PTK2B: variants seen among roughly 807,000 people sequenced by gnomAD.
PTK2B encodes the protein protein tyrosine kinase 2 beta, also known as protein-tyrosine kinase 2-beta.
PTK2B carries 71 observed loss-of-function variants against 142.9 expected under a neutral mutation model. The observed-to-expected ratio is 0.50, with a 90% confidence interval of 0.41 to 0.61. The LOEUF (loss-of-function observed/expected upper bound fraction) is 0.61, where lower values mean the gene tolerates loss of function less well. Ranked by LOEUF, PTK2B falls within the 20% of genes least tolerant of loss-of-function variation. PTK2B has a pLI of 0.00. For missense variants in PTK2B, 1,105 were observed against 1,320.4 expected, an observed-to-expected ratio of 0.84 and a Z score of 2.53; for synonymous variants, 519 against 503.4, an observed-to-expected ratio of 1.03 and a Z score of -0.42.
intron 1 of PTK2B, among the ~76,000 whole-genome samples, chr8:27,346,483 C>T (rs1804718943): frequency 6.6e-6 from 1 of 152,182 alleles, no homozygotes; most frequent in Non-Finnish European, 1.5e-5. Context: ...GAGGTTGAGG[C>T]TACAGTGAGC....
At chr8:27,364,423 T>C (rs1209213933) in intron 1 of PTK2B, among the ~76,000 whole-genome samples, 3 of 152,208 alleles carry the variant, frequency 2.0e-5, no homozygotes, top group Non-Finnish European at 2.9e-5. Flanking sequence ...AGGGTAAACA[T>C]AGCACATTTA....
chr8:27,341,187 A>G (rs1260083522), intron 1 of PTK2B, among the ~76,000 whole-genome samples: 1 of 152,122 alleles, frequency 6.6e-6, no homozygotes, highest in African/African-American at 2.4e-5. Context: ...TCTTGGCTGT[A>G]CCATCCATTT....
upstream of PTK2B, chr8:27,311,310 G>C (rs1802958304): frequency 7.0e-6 from 10 of 1,426,510 alleles, no homozygotes; most frequent in South Asian, 1.5e-5. Context: ...CAACGCCCGC[G>C]ACCCGAGTGC....
intron 1 of PTK2B, among the ~76,000 whole-genome samples, chr8:27,347,456 G>A (rs965855229): frequency 2.0e-5 from 3 of 152,178 alleles, no homozygotes; most frequent in Non-Finnish European, 4.4e-5. Context: ...CTTCAACAAC[G>A]GAGATTTATT....
chr8:27,311,071 G>C (rs1412352002), upstream of PTK2B: 1 of 1,596,810 alleles, frequency 6.3e-7, no homozygotes, highest in Non-Finnish European at 8.5e-7. Context: ...CTGGGCAGGT[G>C]GGCGACACCT....
At position 27,437,785 on chromosome 8, in the gene PTK2B, G is replaced by C. The variant is rs373779845; in HGVS notation, c.1548G>C (p.Arg516=). ...PYGELGHYLE[R]NKNSLKVLTL... ...TGCAGCTGGGCCACTACCTGGAGCG[G>C]AACAAGAACTCCCTGAAGGTGCTCA... Residue 516 remains arginine (R), a synonymous_variant, in exon 18 of 31, where the codon CGG becomes CGC. Coordinates refer to ENST00000346049, the MANE Select transcript of PTK2B (RefSeq NM_173176.3). The C allele has an allele frequency of 2.7e-5, 43 of 1,612,498 alleles. No homozygotes were observed. In the East Asian group the frequency reaches 6.9e-4, roughly 26 times the overall value.
At chr8:27,441,855 A>G (rs370460939) in intron 21 of PTK2B, among the ~76,000 whole-genome samples, 38 of 152,272 alleles carry the variant, frequency 2.5e-4, no homozygotes, top group Non-Finnish European at 4.1e-4. Flanking sequence ...AGCCACAGGG[A>G]GCTGTGCAGG....
chr8:27,394,436 G>T (rs1331756190), intron 1 of PTK2B, among the ~76,000 whole-genome samples: 1 of 152,206 alleles, frequency 6.6e-6, no homozygotes, highest in African/African-American at 2.4e-5. Flanking sequence ...CATAGGAAAG[G>T]TACAGTAAAA....
At chr8:27,346,831 T>G (rs911478951) in intron 1 of PTK2B, among the ~76,000 whole-genome samples, 19 of 152,226 alleles carry the variant, frequency 1.2e-4, no homozygotes, top group African/African-American at 4.6e-4. Flanking sequence ...GGAAAGTTCT[T>G]TCTTTCACTG....
At chr8:27,321,525 A>G (rs926317977), upstream of PTK2B, among the ~76,000 whole-genome samples, 1 of 152,336 alleles carries the variant, frequency 6.6e-6, no homozygotes, top group Non-Finnish European at 1.5e-5. Flanking sequence ...GCTGGACGGC[A>G]TTAGGTACCC....
rs143670206 is a variant in PTK2B at position 27,391,221 on chromosome 8, C to T, written c.-37-6327C>T. ...AAGGGATTCTTTTGTCTCAGCCTCC[C>T]GAGTAGCTGGGATTACAGGCACGTG... On this transcript the variant is annotated intron_variant, in intron 1 of 30. Transcript: ENST00000346049. 6.1e-3 allele frequency among the ~76,000 whole-genome samples: 933 copies of T among 152,110 alleles called. 10 individuals carry two copies. Among genetic ancestry groups the T allele is most frequent in the African/African-American group, 0.022 (904 of 41,462 alleles).
intron 1 of PTK2B, among the ~76,000 whole-genome samples, chr8:27,392,597 AGTCAGAAAATGAG>A (rs1807793981): frequency 6.6e-6 from 1 of 152,212 alleles, no homozygotes; most frequent in Non-Finnish European, 1.5e-5. Context: ...TTTTAGAGCC[AGTCAGAAAATGAG>A]CTGGGAGCAG....
At chr8:27,337,956 A>T (rs1804177132) in intron 1 of PTK2B, among the ~76,000 whole-genome samples, 1 of 152,172 alleles carries the variant, frequency 6.6e-6, no homozygotes, top group Non-Finnish European at 1.5e-5. Flanking sequence ...TTTTCACAGC[A>T]GCTGCCTCAT....
At chr8:27,350,647 G>A (rs918016493) in intron 1 of PTK2B, among the ~76,000 whole-genome samples, 11 of 151,994 alleles carry the variant, frequency 7.2e-5, no homozygotes, top group Non-Finnish European at 1.2e-4. Flanking sequence ...ACACAAGTGC[G>A]AACTGTTAAC....
In PTK2B at chr8:27,437,864, A is replaced by C. The variant is rs572267483; in HGVS notation, c.1627A>C (p.Ile543Leu). 1 of 1,612,174 alleles carries C rather than the reference A, an allele frequency of 6.2e-7. No individual in the cohort carries two copies. The highest frequency in any genetic ancestry group is 1.7e-5 in the Admixed American group (1 of 59,778). The change falls in exon 18 of 31, where the codon ATC (isoleucine) becomes CTC (leucine). Residue 543 changes from isoleucine to leucine, a missense_variant. Transcript: ENST00000346049. Reference sequence around the variant, plus strand: ...CAAAGCCATGGCCTACCTGGAGAGCATCAACTGCGTGCACAGGTAGGGGTG... The same window carrying C: ...CAAAGCCATGGCCTACCTGGAGAGCCTCAACTGCGTGCACAGGTAGGGGTG... ...ICKAMAYLESINCVHRDIAVR... is the reference protein window; with the variant it reads ...ICKAMAYLESLNCVHRDIAVR...
intron 1 of PTK2B, among the ~76,000 whole-genome samples, chr8:27,328,942 C>CTTTT (rs147983841): frequency 1.4e-5 from 2 of 145,946 alleles, no homozygotes. Context: ...TGCGTGCAAC[C>CTTTT]TTTTTTTTTT....
chr8:27,380,069 A>G (rs894681088), intron 1 of PTK2B, among the ~76,000 whole-genome samples: 13 of 151,732 alleles, frequency 8.6e-5, no homozygotes, highest in African/African-American at 3.1e-4. Context: ...TGTTTTTGTT[A>G]TTGTTGTTTA....
chr8:27,371,514 T>C (rs902120122), intron 1 of PTK2B, among the ~76,000 whole-genome samples: 2 of 151,140 alleles, frequency 1.3e-5, no homozygotes, highest in African/African-American at 2.4e-5. Context: ...ATCTGTAATA[T>C]GGGAATATAA....
intron 1 of PTK2B, 84 bp from the exon 2 acceptor site, chr8:27,397,464 C>T: frequency 9.7e-7 from 1 of 1,035,072 alleles, no homozygotes; most frequent in South Asian, 1.4e-5. Context: ...TGTCTTGGAG[C>T]TCGGTGGGTG....
Sources: gnomAD v4.1 joint callset for allele counts (sites outside exome capture counted in the v4.1 genomes callset) on GRCh38, gnomAD v4.1.1 for gene constraint, MANE v1.5 for transcripts, NCBI Gene and HGNC (gene_info 2026-07-23, HGNC 2026-07-21) for gene names.